The following CCDC25 variants were observed in gnomAD, a reference collection of about 807,000 sequenced individuals.
CCDC25 encodes coiled-coil domain containing 25, also known as coiled-coil domain-containing protein 25.
In CCDC25, 16 loss-of-function variants were observed where a neutral mutation model predicts 35.3. That is an observed-to-expected ratio of 0.45 (90% confidence interval 0.31 to 0.69). The LOEUF is 0.69. CCDC25 is among the 30% of genes least tolerant of loss of function. CCDC25 has a pLI of 0.06. For synonymous variants in CCDC25, 79 were observed against 80.3 expected (o/e 0.98, Z 0.09); for missense variants, 179 against 250.7 (o/e 0.71, Z 1.93).
intron 2 of CCDC25, among the ~76,000 whole-genome samples, chr8:27,762,882 A>G (rs949704654): frequency 2.0e-5 from 3 of 152,158 alleles, no homozygotes; most frequent in Non-Finnish European, 2.9e-5. Context: ...CAGAAAATTT[A>G]AAACAAAACA....
chr8:27,764,691 T>C (rs1162604088), intron 2 of CCDC25, among the ~76,000 whole-genome samples: 1 of 152,218 alleles, frequency 6.6e-6, no homozygotes, highest in Non-Finnish European at 1.5e-5. Flanking sequence ...TCTAGATTTG[T>C]ATCTATATAT....
rs148325558 is a variant in CCDC25 at position 27,766,620 on chromosome 8, C to T, written c.29-1369G>A. ...GTGGGAATAAAACTAAAAAGCATTT[C>T]AGATTTTCTCTGCATGGCCTGGCAA... On this transcript the variant is annotated intron_variant, in intron 1 of 8. Coordinates refer to ENST00000356537, the MANE Select transcript of CCDC25 (RefSeq NM_018246.3). Among the ~76,000 whole-genome samples, 1,195 of 152,234 alleles carry T rather than the reference C, an allele frequency of 7.8e-3. 14 individuals are homozygous for T. Among genetic ancestry groups the T allele is most frequent in the African/African-American group, 0.027 (1,131 of 41,536 alleles).
chr8:27,763,648 G>A (rs958846352), intron 2 of CCDC25, among the ~76,000 whole-genome samples: 8 of 152,176 alleles, frequency 5.3e-5, no homozygotes, highest in African/African-American at 1.4e-4. Flanking sequence ...AATCCAGGAG[G>A]TGAAGGTTGC....
chr8:27,744,978 A>G (rs1803557400), intron 7 of CCDC25, among the ~76,000 whole-genome samples: 1 of 152,090 alleles, frequency 6.6e-6, no homozygotes, highest in African/African-American at 2.4e-5. Context: ...TTGGGTTCCA[A>G]TTCTGATCTC....
rs534458403 is a variant in CCDC25, at chr8:27,755,901, C to G, written c.168+818G>C. Among the ~76,000 whole-genome samples, 5 of 152,284 alleles carry G rather than the reference C, an allele frequency of 3.3e-5. No homozygotes were observed. The South Asian group carries it at 1.0e-3, about 32-fold the overall frequency. ...TTGTGATAGACTAGAGGAGACTAGG[C>G]AGACACAACTAAATGTAATATGGTA... On this transcript the variant is annotated intron_variant, in intron 4 of 8. Transcript: ENST00000356537.
chr8:27,760,750 G>A (rs549898857), intron 3 of CCDC25, among the ~76,000 whole-genome samples: 2 of 152,278 alleles, frequency 1.3e-5, no homozygotes, highest in South Asian at 4.1e-4. Flanking sequence ...CACCAAGCAG[G>A]GTTTAACTTG....
At chr8:27,746,189 T>C (rs1304989529) in intron 7 of CCDC25, among the ~76,000 whole-genome samples, 1 of 152,230 alleles carries the variant, frequency 6.6e-6, no homozygotes, top group African/African-American at 2.4e-5. Flanking sequence ...ATGGAATAAA[T>C]TGAACAAAGG....
chr8:27,764,458 T>C (rs116832764), intron 2 of CCDC25: 37 of 387,336 alleles, frequency 9.6e-5, no homozygotes, highest in African/African-American at 5.8e-4. Context: ...TTGTTGTTTT[T>C]TGTAGAGACA....
intron 3 of CCDC25, among the ~76,000 whole-genome samples, chr8:27,759,608 CAAAAAAAA>C (rs146836795): frequency 2.3e-5 from 2 of 88,454 alleles, no homozygotes. Flanking sequence ...GACTCTGTCT[CAAAAAAAA>C]AAAAAAAAAA....
At chr8:27,739,644 C>T (rs933259059) in intron 8 of CCDC25, among the ~76,000 whole-genome samples, 1 of 152,098 alleles carries the variant, frequency 6.6e-6, no homozygotes, top group African/African-American at 2.4e-5. Context: ...ATGTTATATG[C>T]AAATACTACT....
intron 3 of CCDC25, among the ~76,000 whole-genome samples, chr8:27,761,291 G>A (rs992527462): frequency 6.6e-6 from 1 of 152,200 alleles, no homozygotes; most frequent in Non-Finnish European, 1.5e-5. Flanking sequence ...AGCCAAAAGA[G>A]CAGCAGCCTG....
chr8:27,760,470 C>T (rs1433765784), intron 3 of CCDC25, among the ~76,000 whole-genome samples: 1 of 152,150 alleles, frequency 6.6e-6, no homozygotes, highest in Non-Finnish European at 1.5e-5. Flanking sequence ...TTGGCAGGAG[C>T]TCAAAATGGA....
intron 1 of CCDC25, among the ~76,000 whole-genome samples, chr8:27,767,483 G>A (rs1006099314): frequency 5.3e-5 from 8 of 152,118 alleles, no homozygotes; most frequent in African/African-American, 1.9e-4. Flanking sequence ...TATTAAATGA[G>A]GTGATTAAGA....
intron 1 of CCDC25, among the ~76,000 whole-genome samples, chr8:27,767,384 A>G (rs924406798): frequency 3.3e-5 from 5 of 152,178 alleles, no homozygotes; most frequent in African/African-American, 1.2e-4. Context: ...ATAATAACTG[A>G]TATAAAATAT....
At position 27,772,600 on chromosome 8, in the gene CCDC25, C is replaced by G. The variant is rs17057820; in HGVS notation, c.-60G>C. ...GCAGCAGCGCTCAACTCACGAAGCTCAGGATACCAGACTCGCGGCGGCCGC... is the reference window on the plus strand; with the variant it reads ...GCAGCAGCGCTCAACTCACGAAGCTGAGGATACCAGACTCGCGGCGGCCGC... On this transcript the variant is annotated 5_prime_UTR_variant, in exon 1 of 9. Transcript: ENST00000356537. The G allele has an allele frequency of 4.6e-6, 7 of 1,515,128 alleles. No homozygotes were observed. The highest frequency in any genetic ancestry group is 8.9e-7 in the Non-Finnish European group (1 of 1,118,562). 93.9% of individuals were successfully genotyped at this position (1,515,128 alleles called of 1,614,324 possible). A position where few individuals can be genotyped will look rare whatever the true frequency, so the allele number is the denominator to read the frequency against.
At chr8:27,748,722 G>T in intron 5 of CCDC25, 124 bp from the exon 6 acceptor site, 3 of 681,314 alleles carry the variant, frequency 4.4e-6, no homozygotes. Context: ...GCCACCCCTT[G>T]TTTTAAACCA....
At chr8:27,745,956 C>T (rs1277682660) in intron 7 of CCDC25, among the ~76,000 whole-genome samples, 1 of 152,074 alleles carries the variant, frequency 6.6e-6, no homozygotes, top group Non-Finnish European at 1.5e-5. Context: ...TGAGTTTTCC[C>T]TTCAGTTAAT....
In CCDC25 at chr8:27,735,176, T is replaced by G. The variant is rs191008498; in HGVS notation, c.*1040A>C. 6.5e-6 allele frequency: 1 copy of G among 152,676 alleles called. No individual in the cohort carries two copies. The highest frequency in any genetic ancestry group is 1.9e-4 in the East Asian group (1 of 5,184). 9.5% of individuals were successfully genotyped at this position (152,676 alleles called of 1,614,324 possible). A position where few individuals can be genotyped will look rare whatever the true frequency, so the allele number is the denominator to read the frequency against. ...GTCATTTTCTATACCCTCTCAAAATTTGGCCAGTGAGTTTTGCCTCAGGGA... is the reference window on the plus strand; with the variant it reads ...GTCATTTTCTATACCCTCTCAAAATGTGGCCAGTGAGTTTTGCCTCAGGGA... On this transcript the variant is annotated 3_prime_UTR_variant, in exon 9 of 9. Coordinates refer to ENST00000356537, the MANE Select transcript of CCDC25 (RefSeq NM_018246.3).
At chr8:27,755,019 T>A (rs1803949502) in intron 4 of CCDC25, among the ~76,000 whole-genome samples, 2 of 152,066 alleles carry the variant, frequency 1.3e-5, no homozygotes, top group Non-Finnish European at 2.9e-5. Flanking sequence ...AGAGCCCAGA[T>A]CTTTTTAAAT....
Sources: allele counts gnomAD v4.1 joint callset (sites outside exome capture counted in the v4.1 genomes callset), GRCh38; gene constraint gnomAD v4.1.1; transcripts MANE v1.5; gene names NCBI Gene and HGNC (gene_info 2026-07-23, HGNC 2026-07-21).